Variants in TAOK1 observed in about 807,000 individuals in gnomAD.
TAOK1 encodes the protein TAO kinase 1, also known as serine/threonine-protein kinase TAO1.
Under a neutral mutation model 138.3 loss-of-function variants are expected in TAOK1, and 21 were observed. The observed-to-expected ratio is 0.15, with a 90% CI of 0.11 to 0.22. The LOEUF is 0.22. TAOK1 is among the 10% of genes least tolerant of loss of function. The pLI is 1.00. For missense variants in TAOK1, 651 were observed against 1,227.7 expected (o/e 0.53, Z 7.02); for synonymous variants, 361 against 398.4 (o/e 0.91, Z 1.12).
At position 29,442,045 on chromosome 17, in the gene TAOK1, G is replaced by A. The variant is rs1261125155; in HGVS notation, c.-94-9410G>A. ...GAAAGTTGGCTTTGTTGATTTTTCT[G>A]TCTTTTTTTTTGTTTGTTTTTTTTT... On this transcript the variant is annotated intron_variant, in intron 1 of 19. Coordinates refer to ENST00000261716, the MANE Select transcript of TAOK1 (RefSeq NM_020791.4). Among the ~76,000 whole-genome samples, 5 of 151,348 alleles carry A rather than the reference G, an allele frequency of 3.3e-5. No individual in the cohort carries two copies. In the East Asian group the frequency reaches 9.7e-4, roughly 29 times the overall value.
At chr17:29,401,469 G>A (rs775608348) in intron 1 of TAOK1, among the ~76,000 whole-genome samples, 1 of 152,010 alleles carries the variant, frequency 6.6e-6, no homozygotes, top group East Asian at 1.9e-4. Flanking sequence ...GAAGGGGGAA[G>A]TGCTACAAAC....
At chr17:29,401,768 C>T (rs1214317693) in intron 1 of TAOK1, among the ~76,000 whole-genome samples, 2 of 152,098 alleles carry the variant, frequency 1.3e-5, no homozygotes, top group African/African-American at 2.4e-5. Context: ...AATCCTCCCA[C>T]CTCAGCCTCC....
chr17:29,491,975 C>T, intron 10 of TAOK1, 110 bp downstream of exon 10: 1 of 754,550 alleles, frequency 1.3e-6, no homozygotes, highest in Non-Finnish European at 2.2e-6. Context: ...GCCTTGACCT[C>T]CCAGGCTCAA....
Position 29,550,964 on chromosome 17 carries a change from C to T in TAOK1, c.*7942C>T, listed in dbSNP as rs1260621300. The T allele has an allele frequency of 4.0e-5, 6 of 151,068 alleles. No homozygotes were observed. The highest frequency in any genetic ancestry group is 2.0e-4 in the Admixed American group (3 of 15,168). The allele number at this position is 151,068 out of a possible 1,614,324, so 9.4% of individuals were successfully genotyped here. A position where few individuals can be genotyped will look rare whatever the true frequency, so the allele number is the denominator to read the frequency against. The stretch of plus-strand genomic sequence containing the variant: ...TTTTTATTTTTATTTTTGCTATTTA[C>T]CTAAAAAAAGAAAATGCTTCAGTCA... On this transcript the variant is annotated 3_prime_UTR_variant, in exon 20 of 20. Transcript: ENST00000261716.
At position 29,550,310 on chromosome 17, in the gene TAOK1, C is replaced by T. The variant is rs574436599; in HGVS notation, c.*7288C>T. ...TAAAGTATAGTGCACATAACTTCCC[C>T]GGACTGTTCCAATCTGATAATTTGT... On this transcript the variant is annotated 3_prime_UTR_variant, in exon 20 of 20. Transcript: ENST00000261716. 2.6e-5 allele frequency: 4 copies of T among 152,260 alleles called. No individual in the cohort carries two copies. Among genetic ancestry groups the T allele is most frequent in the Admixed American group, 6.5e-5 (1 of 15,288 alleles). The allele number at this position is 152,260 out of a possible 1,614,324, so 9.4% of individuals were successfully genotyped here.
chr17:29,443,589 T>TA (rs1447013549), intron 1 of TAOK1, among the ~76,000 whole-genome samples: 1 of 152,226 alleles, frequency 6.6e-6, no homozygotes, highest in Non-Finnish European at 1.5e-5. Context: ...TTCTCTGGTC[T>TA]ACTTTTGTGG....
intron 8 of TAOK1, 137 bp from the exon 9 acceptor site, chr17:29,489,527 A>G (rs185544627): frequency 1.7e-6 from 1 of 584,314 alleles, no homozygotes; most frequent in Admixed American, 3.6e-5. Flanking sequence ...AGCTCTTTGA[A>G]CTCTACTTGC....
chr17:29,463,969 A>G (rs746847719), intron 2 of TAOK1, among the ~76,000 whole-genome samples: 31 of 152,350 alleles, frequency 2.0e-4, no homozygotes, highest in Admixed American at 5.2e-4. Flanking sequence ...AAGATCCTCA[A>G]CCTCATTAGT....
intron 1 of TAOK1, among the ~76,000 whole-genome samples, chr17:29,407,618 T>G (rs1905029677): frequency 1.3e-5 from 2 of 151,710 alleles, no homozygotes; most frequent in Admixed American, 1.3e-4. Flanking sequence ...GGCTAATTTT[T>G]TTATTTTTTG....
intron 8 of TAOK1, among the ~76,000 whole-genome samples, chr17:29,482,561 A>G (rs1050976851): frequency 6.6e-6 from 1 of 152,112 alleles, no homozygotes; most frequent in Non-Finnish European, 1.5e-5. Context: ...ATTAATGAGT[A>G]TTTGTTAAAC....
intron 15 of TAOK1, chr17:29,513,055 C>G (rs1056685838): frequency 4.2e-5 from 2 of 47,872 alleles, no homozygotes; most frequent in African/African-American, 1.9e-4. Flanking sequence ...TTTAATTTAC[C>G]CACCCCCCCC....
At chr17:29,481,334 C>T (rs1000283142) in intron 7 of TAOK1, among the ~76,000 whole-genome samples, 1 of 151,786 alleles carries the variant, frequency 6.6e-6, no homozygotes, top group African/African-American at 2.4e-5. Flanking sequence ...GCTGGGATTA[C>T]AGACAGCAGC....
intron 2 of TAOK1, among the ~76,000 whole-genome samples, chr17:29,462,725 T>C (rs2030558346): frequency 6.6e-6 from 1 of 152,232 alleles, no homozygotes; most frequent in Non-Finnish European, 1.5e-5. Context: ...CAGATCATTC[T>C]TATGAATTTA....
chr17:29,448,042 A>C (rs1313202603), intron 1 of TAOK1, among the ~76,000 whole-genome samples: 2 of 101,012 alleles, frequency 2.0e-5, no homozygotes, highest in Non-Finnish European at 2.1e-5. Flanking sequence ...TATTTTTGGT[A>C]TCTTTTACTG....
At chr17:29,472,677 T>A (rs534249557) in intron 3 of TAOK1, among the ~76,000 whole-genome samples, 104 of 151,080 alleles carry the variant, frequency 6.9e-4, no homozygotes, top group African/African-American at 2.4e-3. Flanking sequence ...TGGGTTCAAG[T>A]GATTCTCCTG....
chr17:29,447,785 T>TAGCTG (rs2030128308), intron 1 of TAOK1, among the ~76,000 whole-genome samples: 1 of 151,170 alleles, frequency 6.6e-6, no homozygotes, highest in Non-Finnish European at 1.5e-5. Flanking sequence ...GCTTCCCGAG[T>TAGCTG]AGCTGGGATT....
intron 1 of TAOK1, among the ~76,000 whole-genome samples, chr17:29,422,087 C>T (rs1905463426): frequency 6.6e-6 from 1 of 151,698 alleles, no homozygotes; most frequent in African/African-American, 2.4e-5. Context: ...TTAGTAGAGA[C>T]AGGGTTTCAC....
intron 1 of TAOK1, among the ~76,000 whole-genome samples, chr17:29,430,458 A>C (rs1905789825): frequency 6.6e-6 from 1 of 152,222 alleles, no homozygotes; most frequent in Non-Finnish European, 1.5e-5. Context: ...GTAACTTCGC[A>C]TCTGCAAAAA....
intron 1 of TAOK1, among the ~76,000 whole-genome samples, chr17:29,412,739 G>T (rs1367878159): frequency 2.0e-5 from 3 of 152,148 alleles, no homozygotes; most frequent in Non-Finnish European, 4.4e-5. Context: ...TTATAATAGA[G>T]AATTTGGCAG....
Sources: allele counts gnomAD v4.1 joint callset (sites outside exome capture counted in the v4.1 genomes callset), GRCh38; gene constraint gnomAD v4.1.1; transcripts MANE v1.5; gene names NCBI Gene and HGNC (gene_info 2026-07-23, HGNC 2026-07-21).